Variants in MAPK10 observed in about 807,000 individuals in gnomAD.
MAPK10 encodes JNK3 alpha protein kinase.
A neutral mutation model predicts 59.3 loss-of-function variants in MAPK10; 25 were observed. The ratio of observed to expected loss-of-function variants is 0.42; its 90% confidence interval spans 0.31 to 0.59. The LOEUF is 0.59. Among genes scored for constraint, MAPK10 ranks in the 20% least tolerant of loss-of-function variants. The probability of loss-of-function intolerance (pLI) is 0.15; values close to 1 mark genes in which losing one functional copy is unlikely to be tolerated. For missense variants in MAPK10, 351 were observed against 568.9 expected (o/e 0.62, Z 3.90); for synonymous variants, 190 against 200.5 (o/e 0.95, Z 0.44).
intron 2 of MAPK10, among the ~76,000 whole-genome samples, chr4:86,210,157 T>C (rs746132555): frequency 1.3e-5 from 2 of 152,084 alleles, no homozygotes; most frequent in Non-Finnish European, 2.9e-5. Flanking sequence ...ATGTAAGACC[T>C]CAAACTATAA....
At chr4:86,557,436 A>T (rs1760353741) in intron 1 of MAPK10, among the ~76,000 whole-genome samples, 3 of 152,076 alleles carry the variant, frequency 2.0e-5, no homozygotes, top group South Asian at 2.1e-4. Flanking sequence ...GTATTTTTTT[A>T]AAATCTAAGA....
chr4:86,410,118 T>A (rs1744942200), intron 1 of MAPK10, among the ~76,000 whole-genome samples: 1 of 152,238 alleles, frequency 6.6e-6, no homozygotes, highest in South Asian at 2.1e-4. Context: ...GAAAGGCTGT[T>A]GAATTTTCTC....
chr4:86,300,021 T>A (rs1255701056), intron 2 of MAPK10, among the ~76,000 whole-genome samples: 1 of 152,018 alleles, frequency 6.6e-6, no homozygotes, highest in African/African-American at 2.4e-5. Flanking sequence ...GCCTCCTGAG[T>A]AGCTGGGTTT....
At chr4:86,586,772 A>G (rs1360614504) in intron 1 of MAPK10, among the ~76,000 whole-genome samples, 1 of 152,226 alleles carries the variant, frequency 6.6e-6, no homozygotes, top group African/African-American at 2.4e-5. Context: ...GTAACTGACT[A>G]GCCCTGGTCA....
intron 3 of MAPK10, among the ~76,000 whole-genome samples, chr4:86,180,768 T>A (rs938293346): frequency 6.6e-6 from 1 of 152,042 alleles, no homozygotes; most frequent in Non-Finnish European, 1.5e-5. Flanking sequence ...AAACACCACA[T>A]GTTCTCATTC....
At chr4:86,230,613 T>C (rs2091401187) in intron 2 of MAPK10, among the ~76,000 whole-genome samples, 1 of 152,224 alleles carries the variant, frequency 6.6e-6, no homozygotes, top group African/African-American at 2.4e-5. Flanking sequence ...TAATGTTACC[T>C]ATATACTAAT....
intron 1 of MAPK10, among the ~76,000 whole-genome samples, chr4:86,518,797 G>A (rs995142418): frequency 1.3e-5 from 2 of 151,830 alleles, no homozygotes; most frequent in Non-Finnish European, 2.9e-5. Flanking sequence ...TATCTCAGAG[G>A]TTTTGATAGG....
At chr4:86,382,974 A>C (rs2904096) in intron 1 of MAPK10, among the ~76,000 whole-genome samples, 1 of 152,028 alleles carries the variant, frequency 6.6e-6, no homozygotes, top group African/African-American at 2.4e-5. Context: ...GTAGAATAAG[A>C]ATAATGAAAC....
At chr4:86,334,034 C>A (rs1410741701) in intron 2 of MAPK10, among the ~76,000 whole-genome samples, 2 of 152,116 alleles carry the variant, frequency 1.3e-5, no homozygotes, top group African/African-American at 4.8e-5. Context: ...TAACCTCCAG[C>A]CCATGCCTAT....
chr4:86,284,307 C>T (rs2094923919), intron 2 of MAPK10, among the ~76,000 whole-genome samples: 1 of 152,238 alleles, frequency 6.6e-6, no homozygotes, highest in Non-Finnish European at 1.5e-5. Context: ...GCAAGCCTGA[C>T]TCTAGAGGCT....
intron 11 of MAPK10, among the ~76,000 whole-genome samples, chr4:86,058,474 G>A (rs1236789218): frequency 6.7e-6 from 1 of 149,148 alleles, no homozygotes; most frequent in Non-Finnish European, 1.5e-5. Flanking sequence ...GGAGACAGAG[G>A]GGAGAATCTA....
intron 1 of MAPK10, among the ~76,000 whole-genome samples, chr4:86,507,615 G>GATTATATAT (rs1755838621): frequency 2.8e-5 from 1 of 35,654 alleles, no homozygotes; most frequent in African/African-American, 1.1e-4. Flanking sequence ...ATAAACTGGA[G>GATTATATAT]ATATATATAT....
chr4:86,098,411 C>T (rs2054636392), intron 9 of MAPK10, 113 bp downstream of exon 9: 20 of 1,507,990 alleles, frequency 1.3e-5, no homozygotes, highest in Non-Finnish European at 1.7e-5. Context: ...ATTACAATAA[C>T]ACCACTTACC....
At chr4:86,030,782 T>C (rs2038855511) in intron 12 of MAPK10, among the ~76,000 whole-genome samples, 1 of 152,222 alleles carries the variant, frequency 6.6e-6, no homozygotes, top group Admixed American at 6.5e-5. Flanking sequence ...TCCCTTCAGC[T>C]CTTCCCATTT....
chr4:86,183,358 C>T (rs535977886), intron 3 of MAPK10, among the ~76,000 whole-genome samples: 2 of 141,656 alleles, frequency 1.4e-5, no homozygotes, highest in Non-Finnish European at 3.0e-5. Context: ...TCTCATTGTT[C>T]AGTTCCCATC....
chr4:86,185,114 G>A (rs1182395011), intron 3 of MAPK10, among the ~76,000 whole-genome samples: 2 of 152,128 alleles, frequency 1.3e-5, no homozygotes, highest in Non-Finnish European at 2.9e-5. Flanking sequence ...ACTTTGAGTT[G>A]GAAAGTTGTG....
intron 9 of MAPK10, among the ~76,000 whole-genome samples, chr4:86,086,712 T>C (rs992369265): frequency 6.6e-5 from 10 of 152,162 alleles, no homozygotes; most frequent in Non-Finnish European, 1.3e-4. Flanking sequence ...TATCTCCAGC[T>C]CTATTTTAAT....
In MAPK10 at chr4:86,097,232, C is replaced by G. The variant is rs893433912; in HGVS notation, c.802+1292G>C. On this transcript the variant is annotated intron_variant, in intron 9 of 13. Coordinates refer to ENST00000641462, the MANE Select transcript of MAPK10 (RefSeq NM_138982.4). ...TCAAGTGCTGAATAACCACATGTGG[C>G]TAGTGGCTACCTACTAGACAGTGCA... Among the ~76,000 whole-genome samples, 8 of 152,038 alleles carry G rather than the reference C, an allele frequency of 5.3e-5. No homozygotes were observed. The South Asian group carries it at 1.7e-3, about 32-fold the overall frequency.
chr4:86,284,931 C>T (rs1192300394), intron 2 of MAPK10, among the ~76,000 whole-genome samples: 1 of 152,186 alleles, frequency 6.6e-6, no homozygotes, highest in African/African-American at 2.4e-5. Flanking sequence ...TAGCTACTCT[C>T]AGAAAAGCAG....
Sources: gnomAD v4.1 joint callset for allele counts (sites outside exome capture counted in the v4.1 genomes callset) on GRCh38, gnomAD v4.1.1 for gene constraint, MANE v1.5 for transcripts, NCBI Gene and HGNC (gene_info 2026-07-23, HGNC 2026-07-21) for gene names.